Variants in RGS7BP observed in about 807,000 individuals in gnomAD.
RGS7BP encodes regulator of G protein signaling 7 binding protein.
A neutral mutation model predicts 31.3 loss-of-function variants in RGS7BP; 9 were observed. The ratio of observed to expected loss-of-function variants is 0.29; its 90% CI spans 0.17 to 0.50. The LOEUF (loss-of-function observed/expected upper bound fraction) is 0.50. Ranked by LOEUF, RGS7BP falls within the 20% of genes least tolerant of loss-of-function variation. RGS7BP has a pLI of 0.98. For synonymous variants in RGS7BP, 115 were observed against 120.1 expected, an observed-to-expected ratio of 0.96 and a Z score of 0.28; for missense variants, 274 against 322.0, an observed-to-expected ratio of 0.85 and a Z score of 1.14.
At chr5:64,607,204 G>A (rs1743386186) in intron 5 of RGS7BP, among the ~76,000 whole-genome samples, 1 of 152,120 alleles carries the variant, frequency 6.6e-6, no homozygotes, top group South Asian at 2.1e-4. Context: ...CTTTATGTAA[G>A]AGGACTGGAA....
intron 5 of RGS7BP, among the ~76,000 whole-genome samples, chr5:64,608,281 T>C (rs896825493): frequency 4.6e-5 from 7 of 152,160 alleles, no homozygotes; most frequent in African/African-American, 1.4e-4. Context: ...TCTACCCACC[T>C]TCTCTTTTGC....
At chr5:64,518,685 A>G (rs1164898132) in intron 2 of RGS7BP, among the ~76,000 whole-genome samples, 1 of 152,170 alleles carries the variant, frequency 6.6e-6, no homozygotes, top group Non-Finnish European at 1.5e-5. Flanking sequence ...AACATAAGCC[A>G]GACATCAGTG....
intron 2 of RGS7BP, among the ~76,000 whole-genome samples, chr5:64,532,700 T>C (rs1749402660): frequency 6.6e-6 from 1 of 152,154 alleles, no homozygotes; most frequent in Non-Finnish European, 1.5e-5. Context: ...AAACTACCCT[T>C]ACATTTAGTA....
intron 2 of RGS7BP, among the ~76,000 whole-genome samples, chr5:64,537,469 T>C (rs1741407022): frequency 1.3e-5 from 2 of 152,084 alleles, no homozygotes; most frequent in Admixed American, 6.6e-5. Flanking sequence ...ATAGTTAGCG[T>C]TGAATTTTTA....
intron 2 of RGS7BP, among the ~76,000 whole-genome samples, chr5:64,519,796 G>A (rs955334836): frequency 6.6e-6 from 1 of 152,202 alleles, no homozygotes; most frequent in Non-Finnish European, 1.5e-5. Flanking sequence ...GGAAGATACT[G>A]TTTTTAAAGG....
intron 2 of RGS7BP, among the ~76,000 whole-genome samples, chr5:64,525,591 G>A (rs781652901): frequency 6.6e-6 from 1 of 152,154 alleles, no homozygotes; most frequent in Admixed American, 6.5e-5. Flanking sequence ...TCTATGTGCT[G>A]GGAATTATTA....
chr5:64,589,095 G>T (rs140444167), intron 3 of RGS7BP, among the ~76,000 whole-genome samples: 1,600 of 151,764 alleles, frequency 0.011, 16 homozygotes, highest in Non-Finnish European at 0.017. Context: ...CAGGAGTTCA[G>T]ACCAGCATGG....
intron 3 of RGS7BP, among the ~76,000 whole-genome samples, chr5:64,594,080 G>A (rs1337438711): frequency 1.3e-5 from 2 of 152,096 alleles, no homozygotes; most frequent in Non-Finnish European, 2.9e-5. Flanking sequence ...TGCTGTGGAC[G>A]GCTACCTACT....
chr5:64,520,576 G>A (rs1185149854), intron 2 of RGS7BP, among the ~76,000 whole-genome samples: 1 of 152,114 alleles, frequency 6.6e-6, no homozygotes, highest in Non-Finnish European at 1.5e-5. Context: ...GCTTCATTTG[G>A]GGGCACCTTC....
intron 3 of RGS7BP, among the ~76,000 whole-genome samples, chr5:64,591,657 A>G (rs1240212797): frequency 6.6e-6 from 1 of 152,194 alleles, no homozygotes; most frequent in Non-Finnish European, 1.5e-5. Context: ...AAATATTGGC[A>G]TATTGTGGAA....
chr5:64,596,939 C>T lies in RGS7BP; in HGVS notation c.612-1426C>T, dbSNP rs369246063. On this transcript the variant is annotated intron_variant, in intron 4 of 5. Coordinates refer to ENST00000334025, the MANE Select transcript of RGS7BP (RefSeq NM_001029875.3). The stretch of plus-strand genomic sequence containing the variant: ...TTTCATACCTAAAATTAAATGGTGA[C>T]TGTCTTTCCTCAAATAACAGAAGAA... Among the ~76,000 whole-genome samples, 7 of 152,134 alleles carry T rather than the reference C, an allele frequency of 4.6e-5. No homozygotes were observed. The East Asian group carries it at 7.7e-4, about 17-fold the overall frequency.
In RGS7BP at chr5:64,506,586, G is replaced by T; in HGVS notation, c.-39G>T. ...ACAACCGGGCCGCCCGCGCCGGGGC[G>T]CACTGCACCAGCGGCTTCGGCTTGG... On this transcript the variant is annotated 5_prime_UTR_variant, in exon 1 of 6. Transcript: ENST00000334025. The surrounding 1 kb of genome is among the most constrained non-coding windows in gnomAD (Gnocchi z 4.6). 1 of 1,550,702 alleles carries T rather than the reference G, an allele frequency of 6.4e-7. No homozygotes were observed. Among genetic ancestry groups the T allele is most frequent in the Non-Finnish European group, 8.8e-7 (1 of 1,138,456 alleles).
At chr5:64,555,021 A>G (rs956058921) in intron 2 of RGS7BP, among the ~76,000 whole-genome samples, 2 of 152,130 alleles carry the variant, frequency 1.3e-5, no homozygotes, top group African/African-American at 4.8e-5. Flanking sequence ...GAAAATATAA[A>G]AAGGGATTAA....
chr5:64,589,017 T>C (rs1742836360), intron 3 of RGS7BP, among the ~76,000 whole-genome samples: 1 of 151,968 alleles, frequency 6.6e-6, no homozygotes, highest in African/African-American at 2.4e-5. Flanking sequence ...GAGGGATGGG[T>C]AGGTACGGTG....
chr5:64,566,409 G>C (rs1014671113), intron 2 of RGS7BP, among the ~76,000 whole-genome samples: 2 of 152,108 alleles, frequency 1.3e-5, no homozygotes, highest in Non-Finnish European at 2.9e-5. Context: ...TTCAGGGCAG[G>C]CTGCTTGTAA....
Position 64,594,776 on chromosome 5 carries a change from C to T in RGS7BP, c.530C>T (p.Ala177Val), listed in dbSNP as rs1450538625. 4 of 1,613,672 alleles carry T rather than the reference C, an allele frequency of 2.5e-6. No homozygotes were observed. The highest frequency in any genetic ancestry group is 3.4e-6 in the Non-Finnish European group (4 of 1,179,712). ...ATTGAGGAGAGTGCTGAAACACCTG[C>T]CCTAGAAGACTCCTCATCATCCCCC... ...CKIEESAETP[A>V]LEDSSSSPVD... Residue 177 changes from alanine (A) to valine (V), a missense_variant, in exon 4 of 6, where the codon GCC becomes GTC. Coordinates refer to ENST00000334025, the MANE Select transcript of RGS7BP (RefSeq NM_001029875.3).
rs146225187 is a variant in RGS7BP, at chr5:64,529,011, G to A, written c.332+21134G>A. Among the ~76,000 whole-genome samples the A allele has an allele frequency of 5.9e-5, 9 of 151,872 alleles. No homozygotes were observed. The East Asian group carries it at 1.2e-3, about 20-fold the overall frequency. ...ATATTCCTTAACCAAAAATACTTGC[G>A]GCATTGATAACACTTTTATTGTAAT... On this transcript the variant is annotated intron_variant, in intron 2 of 5. Coordinates refer to ENST00000334025, the MANE Select transcript of RGS7BP (RefSeq NM_001029875.3).
At chr5:64,544,674 T>C (rs1741607667) in intron 2 of RGS7BP, among the ~76,000 whole-genome samples, 1 of 149,642 alleles carries the variant, frequency 6.7e-6, no homozygotes, top group Non-Finnish European at 1.5e-5. Flanking sequence ...ACCCTGTCTC[T>C]TAAGAAGAAG....
intron 2 of RGS7BP, among the ~76,000 whole-genome samples, chr5:64,554,694 A>G (rs2111844916): frequency 6.6e-6 from 1 of 152,324 alleles, no homozygotes; most frequent in East Asian, 1.9e-4. Flanking sequence ...AGCAAAGGTG[A>G]AAGTGAACAT....
Sources: gnomAD v4.1 joint callset for allele counts (sites outside exome capture counted in the v4.1 genomes callset) on GRCh38, gnomAD v4.1.1 for gene constraint, Gnocchi (gnomAD v3.1) non-coding constraint, MANE v1.5 for transcripts, NCBI Gene and HGNC (gene_info 2026-07-23, HGNC 2026-07-21) for gene names.